NKAIN3: variants seen among roughly 807,000 people sequenced by gnomAD.
The protein encoded by NKAIN3 is sodium/potassium-transporting ATPase subunit beta-1-interacting protein 3.
Under a neutral mutation model 30.2 loss-of-function variants are expected in NKAIN3, and 25 were observed. The ratio of observed to expected loss-of-function variants is 0.83; its 90% CI spans 0.60 to 1.16. The LOEUF is 1.16. Ranked by LOEUF, NKAIN3 falls within the 50% of genes most tolerant of loss-of-function variation. The probability of loss-of-function intolerance (pLI) is 0.00; values close to 1 mark genes in which losing one functional copy is unlikely to be tolerated. For synonymous variants in NKAIN3, 91 were observed against 89.6 expected, an observed-to-expected ratio of 1.02 and a Z score of -0.09; for missense variants, 225 against 254.1, an observed-to-expected ratio of 0.89 and a Z score of 0.78.
At chr8:62,856,758 C>A in intron 4 of NKAIN3, 2 of 670,644 alleles carry the variant, frequency 3.0e-6, no homozygotes, top group East Asian at 2.6e-5. Context: ...TTATTTTGCA[C>A]CTGGCTTATC....
At chr8:62,852,030 G>A (rs945514857) in intron 4 of NKAIN3, among the ~76,000 whole-genome samples, 5 of 152,158 alleles carry the variant, frequency 3.3e-5, no homozygotes, top group Non-Finnish European at 7.4e-5. Flanking sequence ...AGAAGGAAAG[G>A]TACCAGCTCC....
At chr8:62,853,421 G>T (rs1214359595) in intron 4 of NKAIN3, among the ~76,000 whole-genome samples, 2 of 152,114 alleles carry the variant, frequency 1.3e-5, no homozygotes, top group African/African-American at 2.4e-5. Context: ...TTGCCAGTCT[G>T]TGTCTTTTAA....
chr8:62,327,362 T>C (rs1240424238), intron 1 of NKAIN3, among the ~76,000 whole-genome samples: 1 of 152,114 alleles, frequency 6.6e-6, no homozygotes, highest in African/African-American at 2.4e-5. Flanking sequence ...CACGTGTGTC[T>C]TTAGTGTCAT....
At chr8:62,628,442 C>T (rs1425491708) in intron 3 of NKAIN3, among the ~76,000 whole-genome samples, 3 of 152,092 alleles carry the variant, frequency 2.0e-5, no homozygotes, top group African/African-American at 7.2e-5. Flanking sequence ...TAGGATGTTT[C>T]TTGACGAATG....
At chr8:62,250,693 T>C (rs902385324) in intron 1 of NKAIN3, among the ~76,000 whole-genome samples, 1 of 152,230 alleles carries the variant, frequency 6.6e-6, no homozygotes, top group Non-Finnish European at 1.5e-5. Flanking sequence ...AATGCAATTA[T>C]GATTTTCTTA....
intron 1 of NKAIN3, among the ~76,000 whole-genome samples, chr8:62,280,752 T>G (rs1287787456): frequency 6.6e-6 from 1 of 152,234 alleles, no homozygotes; most frequent in Non-Finnish European, 1.5e-5. Flanking sequence ...ATAAGCTTTT[T>G]GATGTGCTGC....
At chr8:62,705,726 G>T (rs922437161) in intron 3 of NKAIN3, among the ~76,000 whole-genome samples, 2 of 151,962 alleles carry the variant, frequency 1.3e-5, no homozygotes, top group African/African-American at 2.4e-5. Flanking sequence ...TTTTTCGCTT[G>T]TGCACTTATG....
At chr8:62,721,947 T>C (rs994242215) in intron 3 of NKAIN3, among the ~76,000 whole-genome samples, 4 of 152,168 alleles carry the variant, frequency 2.6e-5, no homozygotes, top group African/African-American at 9.7e-5. Context: ...TCCTAACTTA[T>C]GATAGAAGAG....
intron 3 of NKAIN3, among the ~76,000 whole-genome samples, chr8:62,705,167 A>T (rs959823572): frequency 3.9e-5 from 6 of 152,214 alleles, no homozygotes; most frequent in Admixed American, 3.3e-4. Flanking sequence ...GGTACGTCAT[A>T]TTTGATATGG....
intron 1 of NKAIN3, among the ~76,000 whole-genome samples, chr8:62,350,617 T>C (rs1479158252): frequency 6.6e-6 from 1 of 152,176 alleles, no homozygotes; most frequent in Non-Finnish European, 1.5e-5. Flanking sequence ...AAGTGTTAAA[T>C]TTTATGTTAT....
chr8:62,794,118 GTTC>G (rs941271755), intron 4 of NKAIN3, among the ~76,000 whole-genome samples: 14 of 152,174 alleles, frequency 9.2e-5, no homozygotes, highest in African/African-American at 2.2e-4. Context: ...CAATAGCTTT[GTTC>G]TTCTTCTTAT....
chr8:62,988,524 G>T (rs1824251159), downstream of NKAIN3, among the ~76,000 whole-genome samples: 1 of 152,252 alleles, frequency 6.6e-6, no homozygotes, highest in African/African-American at 2.4e-5. Context: ...CATGGAAGCT[G>T]CCAAGGCTTG....
intron 1 of NKAIN3, among the ~76,000 whole-genome samples, chr8:62,250,386 T>G (rs1440528978): frequency 1.3e-5 from 2 of 152,222 alleles, no homozygotes; most frequent in East Asian, 3.8e-4. Flanking sequence ...GGATAGTGCC[T>G]TCTGTCTTGT....
At chr8:62,918,183 A>G (rs1822165476) in intron 4 of NKAIN3, among the ~76,000 whole-genome samples, 1 of 152,224 alleles carries the variant, frequency 6.6e-6, no homozygotes, top group Non-Finnish European at 1.5e-5. Flanking sequence ...ATTATAAAAT[A>G]CAGGAACTGT....
At chr8:62,859,723 TG>T (rs1180581707) in intron 4 of NKAIN3, among the ~76,000 whole-genome samples, 1 of 152,068 alleles carries the variant, frequency 6.6e-6, no homozygotes, top group Non-Finnish European at 1.5e-5. Context: ...ACTTACTTTT[TG>T]CTACCAACCC....
At chr8:62,782,624 A>G (rs1173754813) in intron 4 of NKAIN3, among the ~76,000 whole-genome samples, 2 of 151,756 alleles carry the variant, frequency 1.3e-5, no homozygotes, top group African/African-American at 4.8e-5. Context: ...ATTCACTACA[A>G]CGTGGATGGA....
intron 5 of NKAIN3, among the ~76,000 whole-genome samples, chr8:62,921,275 T>C (rs1822267530): frequency 6.6e-6 from 1 of 152,218 alleles, no homozygotes. Context: ...GTCAGTTTTT[T>C]GGCAGGCAAT....
At chr8:62,689,563 A>G (rs2130438631) in intron 3 of NKAIN3, among the ~76,000 whole-genome samples, 1 of 152,228 alleles carries the variant, frequency 6.6e-6, no homozygotes. Flanking sequence ...CTGATGTATC[A>G]GGTTTTAAAA....
intron 4 of NKAIN3, among the ~76,000 whole-genome samples, chr8:62,914,355 TG>T (rs1314089402): frequency 1.3e-5 from 2 of 151,962 alleles, no homozygotes; most frequent in Admixed American, 1.3e-4. Context: ...GGGTAGAGGA[TG>T]GGAGGAAGAA....
Sources: gnomAD v4.1 joint callset for allele counts (sites outside exome capture counted in the v4.1 genomes callset) on GRCh38, gnomAD v4.1.1 for gene constraint, MANE v1.5 for transcripts, NCBI Gene and HGNC (gene_info 2026-07-23, HGNC 2026-07-21) for gene names.